The following USP6NL variants were observed in gnomAD, a reference collection of about 807,000 sequenced individuals.
The protein encoded by USP6NL is USP6 N-terminal like.
Under a neutral mutation model 61.9 loss-of-function variants are expected in USP6NL, and 26 were observed. The observed-to-expected ratio is 0.42, with a 90% CI of 0.31 to 0.58. The LOEUF (loss-of-function observed/expected upper bound fraction) is 0.58. USP6NL is among the 20% of genes least tolerant of loss of function. The pLI, the probability that USP6NL is intolerant of heterozygous loss-of-function variation, is 0.16. For synonymous variants in USP6NL, 432 were observed against 390.1 expected (o/e 1.11, Z -1.27); for missense variants, 1,114 against 1,034.3 (o/e 1.08, Z -1.06).
chr10:11,544,148 T>A (rs181507908), intron 2 of USP6NL, among the ~76,000 whole-genome samples: 2 of 152,122 alleles, frequency 1.3e-5, no homozygotes, highest in East Asian at 3.9e-4. Context: ...CAACCAAATG[T>A]TCCACCCTCA....
intron 2 of USP6NL, chr10:11,573,730 G>A: frequency 2.5e-6 from 1 of 398,612 alleles, no homozygotes; most frequent in Non-Finnish European, 4.4e-6. Context: ...AATCCAACAG[G>A]TTTCATCACC....
intron 4 of USP6NL, among the ~76,000 whole-genome samples, chr10:11,522,557 C>T (rs1449171775): frequency 6.6e-6 from 1 of 152,028 alleles, no homozygotes; most frequent in East Asian, 1.9e-4. Flanking sequence ...TTGACATTAC[C>T]CTAATATCCA....
intron 2 of USP6NL, among the ~76,000 whole-genome samples, chr10:11,541,145 T>C (rs1358133496): frequency 2.0e-5 from 3 of 150,130 alleles, no homozygotes; most frequent in Non-Finnish European, 4.4e-5. Flanking sequence ...TTAAACTCTG[T>C]TACTGTTATT....
intron 2 of USP6NL, among the ~76,000 whole-genome samples, chr10:11,547,584 C>T (rs141549964): frequency 1.1e-4 from 16 of 149,678 alleles, no homozygotes; most frequent in Admixed American, 3.4e-4. Flanking sequence ...CTGTCGCCCA[C>T]GCTGAAGTGC....
intron 5 of USP6NL, 110 bp from the exon 6 acceptor site, chr10:11,509,785 T>C: frequency 1.2e-6 from 1 of 806,396 alleles, no homozygotes; most frequent in Non-Finnish European, 2.0e-6. Context: ...AGTTATGCTA[T>C]ATTAGCAGAT....
In USP6NL at chr10:11,537,603, CTTT is replaced by C. The variant is rs971613419; in HGVS notation, c.5-10039_5-10037del. On this transcript the variant is annotated intron_variant, in intron 2 of 14. Transcript: ENST00000609104. This position sits in a 1 kb window ranked among gnomAD's most constrained non-coding sequence, Gnocchi z 5.1. Reference sequence around the variant, plus strand: ...CACTGTATCATGCTTCAAATTAATACTTTTTTATTTTTTCATTAAATTTGCAGA... The same window carrying C: ...CACTGTATCATGCTTCAAATTAATACTTTATTTTTTCATTAAATTTGCAGA... 1.6e-4 allele frequency among the ~76,000 whole-genome samples: 24 copies of C among 152,156 alleles called. No homozygotes were observed. Among genetic ancestry groups the C allele is most frequent in the Non-Finnish European group, 5.9e-5 (4 of 68,026 alleles).
At chr10:11,607,762 C>T (rs1485278397) in intron 1 of USP6NL, among the ~76,000 whole-genome samples, 2 of 152,168 alleles carry the variant, frequency 1.3e-5, no homozygotes, top group African/African-American at 2.4e-5. Flanking sequence ...AAAACTAATA[C>T]ATTAAGAAGA....
At chr10:11,508,203 C>A (rs1834543003) in intron 6 of USP6NL, among the ~76,000 whole-genome samples, 1 of 152,146 alleles carries the variant, frequency 6.6e-6, no homozygotes, top group Non-Finnish European at 1.5e-5. Flanking sequence ...GTTCAGCCTT[C>A]CTTCAAGAAA....
intron 7 of USP6NL, among the ~76,000 whole-genome samples, chr10:11,500,010 C>G (rs144805208): frequency 1.1e-3 from 161 of 152,314 alleles, no homozygotes; most frequent in African/African-American, 3.7e-3. Context: ...ACATCATGTC[C>G]TTTGCCAGGA....
chr10:11,577,249 T>C (rs1281349269), intron 2 of USP6NL, among the ~76,000 whole-genome samples: 1 of 151,882 alleles, frequency 6.6e-6, no homozygotes, highest in African/African-American at 2.4e-5. Flanking sequence ...GTATTTTTAA[T>C]AGAATGGGGT....
At chr10:11,544,001 C>CA (rs1386508785) in intron 2 of USP6NL, among the ~76,000 whole-genome samples, 1 of 151,726 alleles carries the variant, frequency 6.6e-6, no homozygotes, top group East Asian at 1.9e-4. Flanking sequence ...TTAGTAGAGA[C>CA]AGAGTTTCAC....
intron 2 of USP6NL, among the ~76,000 whole-genome samples, chr10:11,578,360 C>A (rs545136415): frequency 6.6e-6 from 1 of 152,318 alleles, no homozygotes; most frequent in South Asian, 2.1e-4. Flanking sequence ...CTAAGACCAT[C>A]AATACAATCT....
chr10:11,488,299 C>T (rs1040849336), intron 10 of USP6NL, among the ~76,000 whole-genome samples: 4 of 152,112 alleles, frequency 2.6e-5, no homozygotes, highest in East Asian at 3.9e-4. Context: ...TGTGTGGTTC[C>T]GGATACTAGA....
At chr10:11,479,001 T>C in intron 14 of USP6NL, among the ~76,000 whole-genome samples, 1 of 152,262 alleles carries the variant, frequency 6.6e-6, no homozygotes, top group East Asian at 1.9e-4. Context: ...ACATGACTAA[T>C]GGTTTGGAAA....
At chr10:11,566,625 C>A (rs1400672713) in intron 2 of USP6NL, among the ~76,000 whole-genome samples, 2 of 152,222 alleles carry the variant, frequency 1.3e-5, no homozygotes, top group African/African-American at 2.4e-5. Flanking sequence ...CTATCCAATA[C>A]TGTCCAACAG....
chr10:11,514,378 T>A (rs772861268), intron 5 of USP6NL, among the ~76,000 whole-genome samples: 20 of 152,198 alleles, frequency 1.3e-4, no homozygotes, highest in Non-Finnish European at 2.6e-4. Flanking sequence ...TTCTATATTA[T>A]GAAATGACAT....
At chr10:11,565,320 A>C (rs1837095389) in intron 2 of USP6NL, 1 of 152,242 alleles carries the variant, frequency 6.6e-6, no homozygotes, top group Admixed American at 6.5e-5. Context: ...AAAGCAAGAA[A>C]CCAAGATAAA....
chr10:11,501,335 T>C, intron 6 of USP6NL, 127 bp from the exon 7 acceptor site: 1 of 702,376 alleles, frequency 1.4e-6, no homozygotes, highest in Non-Finnish European at 2.3e-6. Context: ...AATTAATACA[T>C]TTCAACATGG....
intron 10 of USP6NL, among the ~76,000 whole-genome samples, chr10:11,488,589 T>C (rs1833578072): frequency 6.6e-6 from 1 of 152,250 alleles, no homozygotes; most frequent in South Asian, 2.1e-4. Flanking sequence ...ACCAATTTTA[T>C]GTGAAAAAAC....
Sources: gnomAD v4.1 joint callset for allele counts (sites outside exome capture counted in the v4.1 genomes callset) on GRCh38, gnomAD v4.1.1 for gene constraint, Gnocchi (gnomAD v3.1) non-coding constraint, MANE v1.5 for transcripts, NCBI Gene and HGNC (gene_info 2026-07-23, HGNC 2026-07-21) for gene names.